ZNF609: variants seen among roughly 807,000 people sequenced by gnomAD.
ZNF609 encodes the protein zinc finger protein 609.
Under a neutral mutation model 109.5 loss-of-function variants are expected in ZNF609, and 11 were observed. That is an observed-to-expected ratio of 0.10 (90% CI 0.06 to 0.17). ZNF609 has a LOEUF of 0.17. Ranked by LOEUF, ZNF609 falls within the 10% of genes least tolerant of loss-of-function variation. ZNF609 has a pLI of 1.00. For missense variants in ZNF609, 1,559 were observed against 1,772.4 expected, an observed-to-expected ratio of 0.88 and a Z score of 2.16; for synonymous variants, 646 against 662.0, an observed-to-expected ratio of 0.98 and a Z score of 0.37.
At chr15:64,621,473 T>C (rs1895876113) in intron 2 of ZNF609, among the ~76,000 whole-genome samples, 1 of 152,106 alleles carries the variant, frequency 6.6e-6, no homozygotes, top group Non-Finnish European at 1.5e-5. Context: ...CCTCCGCTTC[T>C]GGAGTAGCTG....
rs780312243 is a variant in ZNF609, at chr15:64,496,932, C to T, written c.-127-2361C>T. 6.3e-4 allele frequency among the ~76,000 whole-genome samples: 96 copies of T among 152,254 alleles called. 1 individual carries two copies. The Middle Eastern group carries it at 0.01, about 16-fold the overall frequency. ...AGGCTCAAGCCATCCTCCCACCTTT[C>T]AGCTCCCTGAGTAGCGGGGGCTACA... On this transcript the variant is annotated intron_variant, in intron 1 of 9. Transcript: ENST00000326648.
intron 1 of ZNF609, among the ~76,000 whole-genome samples, chr15:64,488,741 A>C (rs1005825147): frequency 1.6e-4 from 24 of 152,162 alleles, no homozygotes; most frequent in African/African-American, 5.1e-4. Flanking sequence ...CTGTTCTGAA[A>C]AATGCTAAAT....
chr15:64,625,946 G>T (rs1195497339), intron 3 of ZNF609, among the ~76,000 whole-genome samples: 1,431 of 28,848 alleles, frequency 0.05, 8 homozygotes, highest in Non-Finnish European at 0.1. Flanking sequence ...TAGAGAGAGA[G>T]AGAGAGAGAG....
chr15:64,593,022 G>A (rs1373783859), intron 2 of ZNF609: 39 of 1,583,050 alleles, frequency 2.5e-5, no homozygotes, highest in Admixed American at 5.0e-5. Context: ...AAAAAGGGCC[G>A]CGGCCACATG....
intron 2 of ZNF609, among the ~76,000 whole-genome samples, chr15:64,621,353 CTT>C (rs111586542): frequency 2.4e-4 from 34 of 143,128 alleles, no homozygotes; most frequent in Non-Finnish European, 2.2e-4. Context: ...TCATTTCATT[CTT>C]TTTTTTTTTT....
chr15:64,628,449 G>A (rs1364476784), intron 3 of ZNF609, among the ~76,000 whole-genome samples: 2 of 151,950 alleles, frequency 1.3e-5, no homozygotes, highest in Admixed American at 6.5e-5. Context: ...TTGAGGCCAG[G>A]AGTTTGAGAC....
At chr15:64,490,210 G>A (rs1437033569) in intron 1 of ZNF609, among the ~76,000 whole-genome samples, 2 of 149,486 alleles carry the variant, frequency 1.3e-5, no homozygotes, top group East Asian at 4.0e-4. Context: ...TAATCCTCCC[G>A]CCTCAGTCTC....
At chr15:64,565,470 T>C (rs979825002) in intron 2 of ZNF609, among the ~76,000 whole-genome samples, 42 of 152,164 alleles carry the variant, frequency 2.8e-4, no homozygotes, top group Admixed American at 5.9e-4. Context: ...TAAGTACTAT[T>C]GATAATTTAC....
chr15:64,494,031 G>T (rs1893449783), intron 1 of ZNF609, among the ~76,000 whole-genome samples: 1 of 152,190 alleles, frequency 6.6e-6, no homozygotes, highest in Non-Finnish European at 1.5e-5. Flanking sequence ...AGCCTGCTGG[G>T]TTTGGAAACC....
At chr15:64,560,817 C>T (rs1357440039) in intron 2 of ZNF609, among the ~76,000 whole-genome samples, 3 of 152,108 alleles carry the variant, frequency 2.0e-5, no homozygotes, top group Admixed American at 2.0e-4. Context: ...GCTAAATTTC[C>T]TCCATACATT....
chr15:64,494,813 C>T (rs902911501), intron 1 of ZNF609, among the ~76,000 whole-genome samples: 1 of 152,164 alleles, frequency 6.6e-6, no homozygotes, highest in Non-Finnish European at 1.5e-5. Flanking sequence ...GCATGAGCCA[C>T]CTTGCCTGGC....
At chr15:64,505,477 T>C (rs1893621977) in intron 2 of ZNF609, among the ~76,000 whole-genome samples, 1 of 152,228 alleles carries the variant, frequency 6.6e-6, no homozygotes. Flanking sequence ...AGTACATTAA[T>C]TGAATGCATT....
In ZNF609 at chr15:64,466,876, T is replaced by C. The variant is rs1374460166; in HGVS notation, c.-128+6038T>C. 1.7e-4 allele frequency among the ~76,000 whole-genome samples: 26 copies of C among 152,068 alleles called. 1 individual carries two copies. Among genetic ancestry groups the C allele is most frequent in the Admixed American group, 1.7e-3 (26 of 15,260 alleles). ...AGCAGCTTGGAAACACTCTAATTACTGTAGCTATTATAGTCACAACCCAGA... is the reference window on the plus strand; with the variant it reads ...AGCAGCTTGGAAACACTCTAATTACCGTAGCTATTATAGTCACAACCCAGA... On this transcript the variant is annotated intron_variant, in intron 1 of 9. Transcript: ENST00000326648.
At chr15:64,544,361 A>C (rs1281193222) in intron 2 of ZNF609, among the ~76,000 whole-genome samples, 2 of 152,168 alleles carry the variant, frequency 1.3e-5, no homozygotes, top group Non-Finnish European at 2.9e-5. Flanking sequence ...CAACTTGAGC[A>C]CTGGACTCAT....
chr15:64,552,894 A>C (rs907826048), intron 2 of ZNF609, among the ~76,000 whole-genome samples: 5 of 152,042 alleles, frequency 3.3e-5, no homozygotes, highest in African/African-American at 1.2e-4. Flanking sequence ...CAGTCCTCCC[A>C]CCTCTGCCTC....
At chr15:64,515,587 A>G (rs1261408525) in intron 2 of ZNF609, among the ~76,000 whole-genome samples, 1 of 152,082 alleles carries the variant, frequency 6.6e-6, no homozygotes, top group South Asian at 2.1e-4. Flanking sequence ...AGGATAGAGG[A>G]GACTTAAAGG....
chr15:64,669,868 A>G (rs1469570349), intron 3 of ZNF609, among the ~76,000 whole-genome samples: 1 of 152,022 alleles, frequency 6.6e-6, no homozygotes, highest in Non-Finnish European at 1.5e-5. Flanking sequence ...GGTTTTCCCC[A>G]TGTTGGCCAG....
At chr15:64,550,321 G>A (rs1595715100) in intron 2 of ZNF609, among the ~76,000 whole-genome samples, 1 of 129,280 alleles carries the variant, frequency 7.7e-6, no homozygotes, top group South Asian at 2.5e-4. Context: ...GTTTGTTGTT[G>A]TTATTGTTGT....
intron 2 of ZNF609, among the ~76,000 whole-genome samples, chr15:64,504,500 C>T (rs1428416958): frequency 6.6e-6 from 1 of 152,188 alleles, no homozygotes; most frequent in African/African-American, 2.4e-5. Flanking sequence ...GAGATGGAGA[C>T]TCACTCTGTC....
Sources: gnomAD v4.1 joint callset for allele counts (sites outside exome capture counted in the v4.1 genomes callset) on GRCh38, gnomAD v4.1.1 for gene constraint, MANE v1.5 for transcripts, NCBI Gene and HGNC (gene_info 2026-07-23, HGNC 2026-07-21) for gene names.